CATSPERT: variants seen among roughly 807,000 people sequenced by gnomAD.
CATSPERT encodes the protein cation channel sperm-associated targeting subunit tau.
the CATSPERT span, chr2:201,491,200 A>G: frequency 2.0e-6 from 3 of 1,535,472 alleles, no homozygotes; most frequent in African/African-American, 2.7e-5. Context: ...CCAGTGAAGC[A>G]GTGTCCTTGG....
At chr2:201,609,585 A>G in the CATSPERT span, among the ~76,000 whole-genome samples, 6 of 152,234 alleles carry the variant, frequency 3.9e-5, no homozygotes, top group African/African-American at 1.2e-4. Flanking sequence ...ATGCTCTTCA[A>G]TGATCATTGG....
At chr2:201,493,227 A>C in the CATSPERT span, 3 of 1,536,532 alleles carry the variant, frequency 2.0e-6, no homozygotes, top group Non-Finnish European at 2.6e-6. Context: ...TGTCTTTACA[A>C]AGCCTCTGAC....
the CATSPERT span, among the ~76,000 whole-genome samples, chr2:201,542,395 A>ATGATCC: frequency 7.2e-5 from 11 of 152,204 alleles, no homozygotes; most frequent in African/African-American, 2.4e-4. Flanking sequence ...CAGAAGTGAA[A>ATGATCC]TGGCAGGATC....
chr2:201,532,694 G>C, the CATSPERT span, among the ~76,000 whole-genome samples: 1 of 152,158 alleles, frequency 6.6e-6, no homozygotes, highest in African/African-American at 2.4e-5. Context: ...AGTCAACGAA[G>C]AAGGAAGAAA....
At chr2:201,589,220 C>T in the CATSPERT span, among the ~76,000 whole-genome samples, 4 of 151,698 alleles carry the variant, frequency 2.6e-5, no homozygotes, top group African/African-American at 9.7e-5. Context: ...TTATTAAACC[C>T]CCATTGAGAT....
the CATSPERT span, among the ~76,000 whole-genome samples, chr2:201,540,342 A>C: frequency 6.6e-6 from 1 of 152,254 alleles, no homozygotes; most frequent in African/African-American, 2.4e-5. Context: ...TACTGAAAGA[A>C]GGTGTCATCT....
chr2:201,516,629 A>G, the CATSPERT span, among the ~76,000 whole-genome samples: 1 of 152,216 alleles, frequency 6.6e-6, no homozygotes, highest in Non-Finnish European at 1.5e-5. Context: ...AAATGTCATT[A>G]TGTGGCACAT....
chr2:201,496,075 A>T, the CATSPERT span: 3 of 694,708 alleles, frequency 4.3e-6, no homozygotes, highest in African/African-American at 1.8e-5. Flanking sequence ...TTAAACCTAA[A>T]TATTTTTATC....
the CATSPERT span, among the ~76,000 whole-genome samples, chr2:201,610,251 G>A: frequency 2.9e-3 from 447 of 152,132 alleles, no homozygotes; most frequent in Non-Finnish European, 5.4e-3. Context: ...TCAGGAGATC[G>A]AGACCATCCT....
chr2:201,598,077 G>A, the CATSPERT span, among the ~76,000 whole-genome samples: 1 of 152,032 alleles, frequency 6.6e-6, no homozygotes, highest in African/African-American at 2.4e-5. Flanking sequence ...TATTAATCAT[G>A]GTTTTTTGTT....
At chr2:201,506,471 T>TTA in the CATSPERT span, among the ~76,000 whole-genome samples, 1 of 152,202 alleles carries the variant, frequency 6.6e-6, no homozygotes, top group African/African-American at 2.4e-5. Flanking sequence ...ATGTAATTCA[T>TTA]TATATAAACA....
At chr2:201,489,314 T>G in the CATSPERT span, among the ~76,000 whole-genome samples, 5 of 152,242 alleles carry the variant, frequency 3.3e-5, no homozygotes, top group African/African-American at 1.2e-4. Context: ...AAAAGTTGTA[T>G]TAAAGATTCC....
the CATSPERT span, chr2:201,604,600 C>T: frequency 5.2e-6 from 8 of 1,547,758 alleles, no homozygotes; most frequent in Non-Finnish European, 6.1e-6. Context: ...TTGAGGGTTA[C>T]TCATACATAC....
chr2:201,589,225 T>G, the CATSPERT span, among the ~76,000 whole-genome samples: 1 of 152,052 alleles, frequency 6.6e-6, no homozygotes, highest in Non-Finnish European at 1.5e-5. Context: ...AAACCCCCAT[T>G]GAGATTCTTC....
the CATSPERT span, among the ~76,000 whole-genome samples, chr2:201,545,852 G>C: frequency 1.1e-3 from 164 of 152,072 alleles, 2 homozygotes; most frequent in Admixed American, 1.7e-3. Context: ...ATGTTCCAAA[G>C]AAAGTGTATC....
the CATSPERT span, among the ~76,000 whole-genome samples, chr2:201,500,872 T>C: frequency 1.3e-5 from 2 of 152,126 alleles, no homozygotes; most frequent in Non-Finnish European, 2.9e-5. Context: ...ATTTATTCTT[T>C]TACAGTAGAA....
the CATSPERT span, among the ~76,000 whole-genome samples, chr2:201,607,144 T>C: frequency 7.1e-4 from 108 of 152,250 alleles, no homozygotes; most frequent in African/African-American, 2.6e-3. Context: ...ACTTCAAAGA[T>C]ATACACTGGC....
chr2:201,548,019 C>G, the CATSPERT span, among the ~76,000 whole-genome samples: 2 of 152,008 alleles, frequency 1.3e-5, no homozygotes, highest in Non-Finnish European at 2.9e-5. Flanking sequence ...GCTGCTGTAA[C>G]AGAATACAAT....
At chr2:201,604,844 A>G in the CATSPERT span, 2 of 436,596 alleles carry the variant, frequency 4.6e-6, no homozygotes, top group Non-Finnish European at 7.9e-6. Flanking sequence ...ACTCATCCCT[A>G]TCCTCAATAA....
Sources: allele counts gnomAD v4.1 joint callset (sites outside exome capture counted in the v4.1 genomes callset), GRCh38; gene constraint gnomAD v4.1.1; transcripts MANE v1.5; gene names NCBI Gene and HGNC (gene_info 2026-07-23, HGNC 2026-07-21).